Variants in KLHL13 observed in about 807,000 individuals in gnomAD.
The protein encoded by KLHL13 is kelch like family member 13.
Under a neutral mutation model 37.1 loss-of-function variants are expected in KLHL13, and 10 were observed. The observed-to-expected ratio is 0.27, with a 90% CI of 0.17 to 0.46. The LOEUF (loss-of-function observed/expected upper bound fraction) is 0.46. Among genes scored for constraint, KLHL13 ranks in the 20% least tolerant of loss-of-function variants. The pLI is 1.00. For synonymous variants in KLHL13, 163 were observed against 181.2 expected (o/e 0.90, Z 0.81); for missense variants, 360 against 509.3 (o/e 0.71, Z 2.82).
intron 2 of KLHL13, among the ~76,000 whole-genome samples, chrX:117,928,678 A>C (rs1932220880): frequency 8.9e-6 from 1 of 111,781 alleles, no homozygotes; most frequent in Non-Finnish European, 1.9e-5. Flanking sequence ...AAAATTGTGG[A>C]GTGCAGATGA....
At chrX:117,940,784 C>T (rs1419866939) in intron 2 of KLHL13, among the ~76,000 whole-genome samples, 3 of 111,673 alleles carry the variant, frequency 2.7e-5, no homozygotes, top group African/African-American at 9.8e-5. Context: ...GATTTTTGCA[C>T]ATTGATTTTG....
intron 1 of KLHL13, among the ~76,000 whole-genome samples, chrX:117,996,832 A>T (rs1430792270): frequency 1.3e-5 from 1 of 76,217 alleles, no homozygotes; most frequent in African/African-American, 9.6e-5. Flanking sequence ...AGCCTATTTA[A>T]AAAAAAAAAA....
chrX:117,930,314 CAGGCAGGA>C (rs1351231820), intron 2 of KLHL13, among the ~76,000 whole-genome samples: 1 of 102,414 alleles, frequency 9.8e-6, no homozygotes, highest in African/African-American at 3.7e-5. Flanking sequence ...GGCAGGCAGG[CAGGCAGGA>C]AGGCAGGAAG....
intron 1 of KLHL13, among the ~76,000 whole-genome samples, chrX:117,971,182 G>A (rs971525120): frequency 7.4e-4 from 82 of 111,554 alleles, no homozygotes; most frequent in African/African-American, 2.6e-3. Flanking sequence ...GGGCAATAAG[G>A]GCTGCAATTT....
intron 1 of KLHL13, among the ~76,000 whole-genome samples, chrX:118,058,670 C>T (rs1028696030): frequency 8.1e-5 from 9 of 111,784 alleles, no homozygotes; most frequent in Non-Finnish European, 1.5e-4. Context: ...TTCATTAAGG[C>T]AGAAAGAATT....
intron 1 of KLHL13, among the ~76,000 whole-genome samples, chrX:118,085,932 T>C (rs1272655159): frequency 1.8e-5 from 2 of 108,501 alleles, no homozygotes. Flanking sequence ...AATAAACATA[T>C]GCATGAAGAT....
At chrX:117,911,734 CT>C (rs34807184) in intron 4 of KLHL13, among the ~76,000 whole-genome samples, 1 of 111,755 alleles carries the variant, frequency 8.9e-6, no homozygotes, top group East Asian at 2.8e-4. Context: ...TGAACTCATC[CT>C]TTTTTATGGC....
intron 1 of KLHL13, among the ~76,000 whole-genome samples, chrX:118,036,058 G>A (rs2054435386): frequency 9.7e-6 from 1 of 102,825 alleles, no homozygotes; most frequent in South Asian, 4.3e-4. Context: ...ACCTCTTCAA[G>A]GAGAACTACA....
chrX:118,005,530 G>A (rs1422368898), intron 1 of KLHL13, among the ~76,000 whole-genome samples: 1 of 111,385 alleles, frequency 9.0e-6, no homozygotes, highest in Non-Finnish European at 1.9e-5. Context: ...CTGTGAGATG[G>A]GGAGATTATC....
intron 1 of KLHL13, among the ~76,000 whole-genome samples, chrX:118,100,715 G>T (rs141905190): frequency 9.0e-6 from 1 of 111,095 alleles, no homozygotes; most frequent in African/African-American, 3.3e-5. Context: ...CAATTTTTCT[G>T]TATTCTCTCT....
intron 1 of KLHL13, among the ~76,000 whole-genome samples, chrX:118,037,751 T>TA (rs940158438): frequency 6.3e-5 from 7 of 110,453 alleles, no homozygotes; most frequent in South Asian, 7.6e-4. Context: ...TAATAGTAAT[T>TA]AAAAAAAAGA....
intron 6 of KLHL13, among the ~76,000 whole-genome samples, chrX:117,900,549 T>A (rs1206461183): frequency 8.9e-6 from 1 of 112,018 alleles, no homozygotes; most frequent in Non-Finnish European, 1.9e-5. Context: ...TGGGAGCATA[T>A]TTATTACCTG....
At chrX:117,956,551 G>A (rs1431858900) in intron 1 of KLHL13, among the ~76,000 whole-genome samples, 1 of 112,174 alleles carries the variant, frequency 8.9e-6, no homozygotes, top group East Asian at 2.8e-4. Context: ...TTTTGCAGAA[G>A]CAATCTATGA....
chrX:118,075,577 G>C (rs898514736), intron 1 of KLHL13, among the ~76,000 whole-genome samples: 2 of 111,552 alleles, frequency 1.8e-5, no homozygotes, highest in Admixed American at 9.6e-5. Context: ...GAGGAATAAA[G>C]ACTAAAGCTC....
chrX:117,970,265 T>C lies in KLHL13; in HGVS notation c.98+2466A>G, dbSNP rs537834077. On this transcript the variant is annotated intron_variant, in intron 1 of 6. Transcript: ENST00000262820. ...AAGCACGGTAAGTAATGATAAAACA[T>C]TACAAACCAATACTGATGCTACACA... is the stretch of plus-strand genomic sequence containing the variant. 1.2e-4 allele frequency among the ~76,000 whole-genome samples: 14 copies of C among 112,103 alleles called. No homozygotes were observed. In the South Asian group the frequency reaches 5.2e-3, roughly 41 times the overall value.
At chrX:118,068,665 C>A (rs1046222747) in intron 1 of KLHL13, among the ~76,000 whole-genome samples, 5 of 111,365 alleles carry the variant, frequency 4.5e-5, no homozygotes, top group Admixed American at 1.9e-4. Context: ...GTGCTCCCCC[C>A]ACAGATAAGA....
At chrX:118,013,127 C>T (rs752555305) in intron 1 of KLHL13, among the ~76,000 whole-genome samples, 1 of 111,821 alleles carries the variant, frequency 8.9e-6, no homozygotes, top group Non-Finnish European at 1.9e-5. Context: ...GAACAAGATG[C>T]CTGGCCTCTT....
At chrX:117,928,453 C>T (rs1932206936) in intron 2 of KLHL13, among the ~76,000 whole-genome samples, 2 of 111,150 alleles carry the variant, frequency 1.8e-5, no homozygotes. Context: ...TATTCTGGGC[C>T]ATAAAACTAG....
At chrX:117,918,370 C>T (rs930792430) in intron 4 of KLHL13, among the ~76,000 whole-genome samples, 5 of 111,231 alleles carry the variant, frequency 4.5e-5, no homozygotes, top group African/African-American at 1.6e-4. Flanking sequence ...TCTCTTGAAA[C>T]TTAGTGTTTT....
Sources: gnomAD v4.1 joint callset for allele counts (sites outside exome capture counted in the v4.1 genomes callset) on GRCh38, gnomAD v4.1.1 for gene constraint, MANE v1.5 for transcripts, NCBI Gene and HGNC (gene_info 2026-07-23, HGNC 2026-07-21) for gene names.